Variants in GTF2F2 observed in about 807,000 individuals in gnomAD.
GTF2F2 encodes general transcription factor IIF subunit 2.
GTF2F2 carries 23 observed loss-of-function variants against 42.2 expected under a neutral mutation model. That is an observed-to-expected ratio of 0.55 (90% CI 0.39 to 0.77). The LOEUF is 0.77. Ranked by LOEUF, GTF2F2 falls within the 30% of genes least tolerant of loss-of-function variation. The pLI is 0.00. For synonymous variants in GTF2F2, 105 were observed against 100.8 expected, an observed-to-expected ratio of 1.04 and a Z score of -0.25; for missense variants, 261 against 287.2, an observed-to-expected ratio of 0.91 and a Z score of 0.66.
rs562959132 is a variant in GTF2F2, at chr13:45,251,272, A to T, written c.387-1599A>T. ...TAGGAATGTTATACAGACACCTTTT[A>T]TACTTAATTCTGCTTTTGAAGGAAT... is the stretch of plus-strand genomic sequence containing the variant. On this transcript the variant is annotated intron_variant, in intron 5 of 7. Transcript: ENST00000340473. Among the ~76,000 whole-genome samples the T allele has an allele frequency of 5.1e-4, 77 of 152,314 alleles. No homozygotes were observed. The Middle Eastern group carries it at 0.017, about 34-fold the overall frequency.
chr13:45,242,856 C>T (rs560049099), intron 5 of GTF2F2, among the ~76,000 whole-genome samples: 190 of 152,278 alleles, frequency 1.2e-3, no homozygotes, highest in African/African-American at 4.4e-3. Flanking sequence ...TTGACTAAAA[C>T]TTACAGATTT....
At chr13:45,245,545 A>T (rs1020159508) in intron 5 of GTF2F2, among the ~76,000 whole-genome samples, 1 of 151,860 alleles carries the variant, frequency 6.6e-6, no homozygotes, top group Non-Finnish European at 1.5e-5. Flanking sequence ...GAGAACATAC[A>T]ATGTTTGGTT....
intron 2 of GTF2F2, among the ~76,000 whole-genome samples, chr13:45,143,602 C>T (rs1870041363): frequency 6.6e-6 from 1 of 152,188 alleles, no homozygotes; most frequent in South Asian, 2.1e-4. Flanking sequence ...CTCCCTACCA[C>T]ATCTTCCGAA....
At chr13:45,279,403 A>T (rs1339541346) in intron 7 of GTF2F2, among the ~76,000 whole-genome samples, 19 of 152,348 alleles carry the variant, frequency 1.2e-4, no homozygotes, top group Non-Finnish European at 1.5e-5. Flanking sequence ...CACGTAGTAC[A>T]GTTTAGTCAG....
intron 7 of GTF2F2, among the ~76,000 whole-genome samples, chr13:45,271,975 T>A (rs1191145608): frequency 6.6e-6 from 1 of 152,052 alleles, no homozygotes; most frequent in Admixed American, 6.6e-5. Flanking sequence ...ACTTAATAAC[T>A]GCTGTTTTTA....
chr13:45,153,969 T>A (rs1271532882), intron 4 of GTF2F2, among the ~76,000 whole-genome samples: 5 of 109,390 alleles, frequency 4.6e-5, no homozygotes, highest in East Asian at 3.0e-4. Flanking sequence ...AGAGGGAGAC[T>A]CAGTCTCAAA....
intron 6 of GTF2F2, among the ~76,000 whole-genome samples, chr13:45,257,168 G>T (rs956643654): frequency 6.6e-6 from 1 of 152,070 alleles, no homozygotes; most frequent in Non-Finnish European, 1.5e-5. Context: ...AACTATCTGG[G>T]TATAATGTCT....
At chr13:45,130,490 C>T (rs1869289020) in intron 1 of GTF2F2, among the ~76,000 whole-genome samples, 1 of 152,102 alleles carries the variant, frequency 6.6e-6, no homozygotes. Context: ...ATAAACTGTA[C>T]ATGGGCAAAA....
intron 5 of GTF2F2, among the ~76,000 whole-genome samples, chr13:45,238,389 A>G (rs1875100490): frequency 6.6e-6 from 1 of 152,200 alleles, no homozygotes; most frequent in Non-Finnish European, 1.5e-5. Flanking sequence ...GTCCCTGATC[A>G]GCTCAACGTT....
chr13:45,185,658 A>G (rs1472634630), intron 4 of GTF2F2, among the ~76,000 whole-genome samples: 1 of 152,176 alleles, frequency 6.6e-6, no homozygotes, highest in Admixed American at 6.5e-5. Flanking sequence ...TTGATTAGCC[A>G]CTCCATAATA....
At chr13:45,165,469 G>A (rs1871244847) in intron 4 of GTF2F2, among the ~76,000 whole-genome samples, 1 of 151,470 alleles carries the variant, frequency 6.6e-6, no homozygotes, top group South Asian at 2.1e-4. Flanking sequence ...GTATAAAATT[G>A]AAGTGTGACC....
intron 4 of GTF2F2, chr13:45,194,235 T>C: frequency 3.7e-6 from 6 of 1,614,134 alleles, no homozygotes; most frequent in Non-Finnish European, 5.1e-6. Context: ...CTGCTTCTTG[T>C]GCAAGAAGTT....
Position 45,267,365 on chromosome 13 carries a change from A to G in GTF2F2, c.619A>G (p.Lys207Glu), listed in dbSNP as rs1424696231. 6.2e-7 allele frequency: 1 copy of G among 1,607,504 alleles called. No individual in the cohort carries two copies. The highest frequency in any genetic ancestry group is 8.5e-7 in the Non-Finnish European group (1 of 1,175,520). The change falls in exon 7 of 8, where the codon AAG becomes GAG. Residue 207 changes from lysine (K) to glutamate (E), a missense_variant. Transcript: ENST00000340473. ...TCTTAAGGACTTGGTGGACATCACA[A>G]AGCAACCTGTGGTATGTATATGTTC... is the stretch of plus-strand genomic sequence containing the variant. ...YNLKDLVDIT[K>E]QPVVYLKEIL...
chr13:45,205,462 C>T (rs960832326), intron 4 of GTF2F2, among the ~76,000 whole-genome samples: 2 of 152,182 alleles, frequency 1.3e-5, no homozygotes, highest in African/African-American at 2.4e-5. Flanking sequence ...TTAGTTGCAA[C>T]ATTAATAAAC....
intron 4 of GTF2F2, among the ~76,000 whole-genome samples, chr13:45,181,181 C>G (rs9590881): frequency 1.6e-5 from 2 of 125,888 alleles, no homozygotes; most frequent in African/African-American, 7.0e-5. Flanking sequence ...GACAAAAAAA[C>G]AAACAAACAA....
intron 5 of GTF2F2, among the ~76,000 whole-genome samples, chr13:45,208,452 GTTCA>G (rs780822333): frequency 2.6e-5 from 4 of 151,830 alleles, no homozygotes; most frequent in Non-Finnish European, 5.9e-5. Context: ...TACTTTTTTT[GTTCA>G]TTCATTCAGT....
chr13:45,202,120 C>G (rs1593488696), intron 4 of GTF2F2, among the ~76,000 whole-genome samples: 1 of 152,216 alleles, frequency 6.6e-6, no homozygotes, highest in African/African-American at 2.4e-5. Context: ...GGCGTGGTGG[C>G]TCACACCTGT....
At chr13:45,142,073 T>C (rs1869953881) in intron 2 of GTF2F2, among the ~76,000 whole-genome samples, 1 of 152,334 alleles carries the variant, frequency 6.6e-6, no homozygotes. Flanking sequence ...CTCACTTTAG[T>C]CTTGAATTCT....
At chr13:45,236,143 A>G (rs1363412462) in intron 5 of GTF2F2, among the ~76,000 whole-genome samples, 5 of 152,188 alleles carry the variant, frequency 3.3e-5, no homozygotes, top group African/African-American at 9.7e-5. Context: ...AGGGCTTGGC[A>G]GTCCCAAATA....
Sources: gnomAD v4.1 joint callset for allele counts (sites outside exome capture counted in the v4.1 genomes callset) on GRCh38, gnomAD v4.1.1 for gene constraint, MANE v1.5 for transcripts, NCBI Gene and HGNC (gene_info 2026-07-23, HGNC 2026-07-21) for gene names.